The following CDH13 variants were observed in gnomAD, a reference collection of about 807,000 sequenced individuals.
CDH13 encodes the protein cadherin 13.
A neutral mutation model predicts 63.8 loss-of-function variants in CDH13; 24 were observed. The observed-to-expected ratio is 0.38, with a 90% CI of 0.27 to 0.53. The LOEUF (loss-of-function observed/expected upper bound fraction) is 0.53, where lower values mean the gene tolerates loss of function less well. Ranked by LOEUF, CDH13 falls within the 20% of genes least tolerant of loss-of-function variation. The probability of loss-of-function intolerance (pLI) is 0.85; values close to 1 mark genes in which losing one functional copy is unlikely to be tolerated. For synonymous variants in CDH13, 503 were observed against 355.3 expected, an observed-to-expected ratio of 1.42 and a Z score of -4.67; for missense variants, 1,049 against 903.1, an observed-to-expected ratio of 1.16 and a Z score of -2.07.
intron 8 of CDH13, among the ~76,000 whole-genome samples, chr16:83,661,293 C>G (rs142616659): frequency 9.7e-4 from 147 of 152,132 alleles, no homozygotes; most frequent in African/African-American, 3.4e-3. Flanking sequence ...TCGAGGCCAG[C>G]CTGAGCAGTA....
intron 8 of CDH13, among the ~76,000 whole-genome samples, chr16:83,608,144 T>C (rs901345184): frequency 6.6e-6 from 1 of 152,250 alleles, no homozygotes; most frequent in Non-Finnish European, 1.5e-5. Flanking sequence ...GATTTAATAA[T>C]TTAGGACTTT....
intron 2 of CDH13, among the ~76,000 whole-genome samples, chr16:82,991,583 A>C (rs1911662170): frequency 6.6e-6 from 1 of 152,162 alleles, no homozygotes; most frequent in African/African-American, 2.4e-5. Context: ...GGCAACCTCC[A>C]GGACATAATA....
intron 1 of CDH13, among the ~76,000 whole-genome samples, chr16:82,759,301 C>A (rs968189832): frequency 1.3e-5 from 2 of 152,180 alleles, no homozygotes; most frequent in African/African-American, 4.8e-5. Context: ...CAAATATATT[C>A]TCTGCTCCAA....
intron 2 of CDH13, among the ~76,000 whole-genome samples, chr16:82,984,745 C>T (rs186316138): frequency 1.3e-5 from 2 of 152,244 alleles, no homozygotes; most frequent in East Asian, 3.9e-4. Context: ...GATATTTAAA[C>T]CTAGGCAATT....
intron 1 of CDH13, among the ~76,000 whole-genome samples, chr16:82,676,876 G>GTTTTGTTTTGTT (rs1244900126): frequency 1.6e-4 from 23 of 141,848 alleles, no homozygotes; most frequent in Admixed American, 2.7e-4. Context: ...TTTGTTTTTT[G>GTTTTGTTTTGTT]TTTTGTTTTG....
intron 13 of CDH13, 153 bp downstream of exon 13, chr16:83,783,625 T>C (rs901330947): frequency 3.3e-5 from 24 of 720,502 alleles, no homozygotes; most frequent in Admixed American, 1.8e-4. Flanking sequence ...GAACATGTTA[T>C]ATGTAAAAGT....
intron 10 of CDH13, among the ~76,000 whole-genome samples, chr16:83,737,649 T>C (rs1425061368): frequency 6.6e-6 from 1 of 151,944 alleles, no homozygotes; most frequent in East Asian, 1.9e-4. Context: ...AGAATGGTGG[T>C]TCTCAAACTT....
chr16:82,860,088 T>A (rs948647319), intron 2 of CDH13, among the ~76,000 whole-genome samples: 4 of 152,156 alleles, frequency 2.6e-5, no homozygotes, highest in African/African-American at 9.7e-5. Flanking sequence ...GTGAGAACCA[T>A]TTTTCTGGCT....
At chr16:83,005,337 C>T (rs1913374618) in intron 2 of CDH13, among the ~76,000 whole-genome samples, 1 of 152,162 alleles carries the variant, frequency 6.6e-6, no homozygotes, top group East Asian at 1.9e-4. Context: ...AGCCCCTCCT[C>T]ACTCTTTCTC....
chr16:82,900,408 G>A (rs1317126997), intron 2 of CDH13, among the ~76,000 whole-genome samples: 1 of 132,616 alleles, frequency 7.5e-6, no homozygotes, highest in East Asian at 2.2e-4. Flanking sequence ...CAAGCCAAGT[G>A]TGGCCTGGTT....
chr16:82,885,481 A>AT (rs1567629810), intron 2 of CDH13, among the ~76,000 whole-genome samples: 2 of 99,136 alleles, frequency 2.0e-5, no homozygotes, highest in Non-Finnish European at 3.8e-5. Context: ...CCATCCATCC[A>AT]CCCATCCATC....
intron 6 of CDH13, among the ~76,000 whole-genome samples, chr16:83,459,091 A>G (rs941169390): frequency 6.6e-6 from 1 of 152,168 alleles, no homozygotes; most frequent in African/African-American, 2.4e-5. Context: ...CACAATACCA[A>G]CTTTTTGTTT....
chr16:83,366,727 A>G (rs1163258482), intron 6 of CDH13, among the ~76,000 whole-genome samples: 1 of 152,176 alleles, frequency 6.6e-6, no homozygotes. Context: ...TTGTTTTGGA[A>G]TATGACCTTC....
intron 3 of CDH13, among the ~76,000 whole-genome samples, chr16:83,110,802 G>A (rs928348078): frequency 6.6e-6 from 1 of 151,932 alleles, no homozygotes; most frequent in Non-Finnish European, 1.5e-5. Flanking sequence ...GTTACAAGGG[G>A]CTACTTCTTC....
intron 7 of CDH13, among the ~76,000 whole-genome samples, chr16:83,500,643 G>C (rs1266776578): frequency 7.2e-6 from 1 of 138,682 alleles, no homozygotes; most frequent in Non-Finnish European, 1.5e-5. Context: ...CACGATCTTG[G>C]CTTACCACAA....
chr16:82,806,953 G>A (rs2037175383), intron 1 of CDH13, among the ~76,000 whole-genome samples: 1 of 152,150 alleles, frequency 6.6e-6, no homozygotes, highest in Non-Finnish European at 1.5e-5. Context: ...AGTCATCATT[G>A]GGGTGAAATC....
chr16:83,137,646 TC>T (rs2036350474), intron 4 of CDH13, among the ~76,000 whole-genome samples: 1 of 152,092 alleles, frequency 6.6e-6, no homozygotes, highest in Non-Finnish European at 1.5e-5. Context: ...AAAGCCAACT[TC>T]GGTGTAATTA....
intron 1 of CDH13, among the ~76,000 whole-genome samples, chr16:82,838,400 G>T (rs1358368438): frequency 3.3e-5 from 5 of 152,074 alleles, no homozygotes; most frequent in Non-Finnish European, 1.5e-5. Context: ...ATGGATATTG[G>T]GAATTACTAT....
intron 5 of CDH13, among the ~76,000 whole-genome samples, chr16:83,250,608 G>C (rs970851944): frequency 6.6e-6 from 1 of 152,154 alleles, no homozygotes; most frequent in African/African-American, 2.4e-5. Flanking sequence ...GGAGACTCCA[G>C]CAACCTTGGA....
Sources: gnomAD v4.1 joint callset for allele counts (sites outside exome capture counted in the v4.1 genomes callset) on GRCh38, gnomAD v4.1.1 for gene constraint, MANE v1.5 for transcripts, NCBI Gene and HGNC (gene_info 2026-07-23, HGNC 2026-07-21) for gene names.